MYO10: variants seen among roughly 807,000 people sequenced by gnomAD.
The protein encoded by MYO10 is unconventional myosin-X.
MYO10 carries 133 observed loss-of-function variants against 257.3 expected under a neutral mutation model. The observed-to-expected ratio is 0.52, with a 90% confidence interval of 0.45 to 0.60. The LOEUF (loss-of-function observed/expected upper bound fraction) is 0.60. Among genes scored for constraint, MYO10 ranks in the 20% least tolerant of loss-of-function variants. MYO10 has a pLI of 0.00. For synonymous variants in MYO10, 1,104 were observed against 1,028.6 expected, an observed-to-expected ratio of 1.07 and a Z score of -1.40; for missense variants, 2,399 against 2,635.7, an observed-to-expected ratio of 0.91 and a Z score of 1.97.
chr5:16,684,139 A>AT (rs1255018394), intron 29 of MYO10, among the ~76,000 whole-genome samples: 52 of 152,312 alleles, frequency 3.4e-4, no homozygotes, highest in Non-Finnish European at 4.6e-4. Flanking sequence ...TAGGCCATTT[A>AT]TTTTTTAAAA....
Position 16,674,997 on chromosome 5 carries a change from T to C in MYO10, c.4820A>G (p.Tyr1607Cys). 1 of 1,613,988 alleles carries C rather than the reference T, an allele frequency of 6.2e-7. No individual in the cohort carries two copies. Among genetic ancestry groups the C allele is most frequent in the Non-Finnish European group, 8.5e-7 (1 of 1,179,892 alleles). ...GTTGGTCTGTTTGATAAGCTGGCAG[T>C]ACAGCTCGTCCCGCAGAGGTCGCAG... ...HDLRPLRDEL[Y>C]CQLIKQTNKV... The change falls in exon 35 of 41, where the codon TAC (tyrosine) becomes TGC (cysteine). Residue 1607 changes from tyrosine (Y) to cysteine (C), a missense_variant. Tyr to Cys is a radical substitution (Grantham distance 194). Coordinates refer to ENST00000513610, the MANE Select transcript of MYO10 (RefSeq NM_012334.3).
At chr5:16,694,645 T>C (rs1290254038) in intron 26 of MYO10, 31 bp from the exon 27 acceptor site, 4 of 1,609,034 alleles carry the variant, frequency 2.5e-6, no homozygotes, top group African/African-American at 1.3e-5. Flanking sequence ...TAGAGAGGGG[T>C]GAAAGAAAAG....
rs747010483 is a variant in MYO10 at position 16,769,220 on chromosome 5, G to A, written c.931-17C>T. ...CATTGCCGTCTAGAAGAAAATAAAT[G>A]TATTTAATTTTATGTCGTTTTTTCA... On this transcript the variant is annotated splice_polypyrimidine_tract_variant and intron_variant, in intron 9 of 40. Coordinates refer to ENST00000513610, the MANE Select transcript of MYO10 (RefSeq NM_012334.3). 5.7e-6 allele frequency: 9 copies of A among 1,577,402 alleles called. No individual in the cohort carries two copies. In the South Asian group the frequency reaches 1.1e-4, roughly 19 times the overall value.
intron 4 of MYO10, among the ~76,000 whole-genome samples, chr5:16,791,739 T>C (rs1376066695): frequency 6.6e-6 from 1 of 152,230 alleles, no homozygotes; most frequent in Admixed American, 6.5e-5. Flanking sequence ...TCTGTTAAAA[T>C]AGATTGTTTT....
At chr5:16,925,021 C>G (rs756482460) in intron 1 of MYO10, among the ~76,000 whole-genome samples, 3 of 152,018 alleles carry the variant, frequency 2.0e-5, no homozygotes, top group Non-Finnish European at 2.9e-5. Flanking sequence ...TTAGTAGAGA[C>G]AGGTTTTCAC....
At chr5:16,684,184 AATTT>A (rs377727764) in intron 29 of MYO10, among the ~76,000 whole-genome samples, 7 of 152,210 alleles carry the variant, frequency 4.6e-5, no homozygotes, top group African/African-American at 1.4e-4. Flanking sequence ...ACCTTTCAAT[AATTT>A]ATTTCTTTGT....
rs369788597 is a variant in MYO10 at position 16,795,772 on chromosome 5, G to A, written c.280-939C>T. 5.6e-4 allele frequency among the ~76,000 whole-genome samples: 85 copies of A among 152,238 alleles called. No homozygotes were observed. The South Asian group carries it at 8.5e-3, about 15-fold the overall frequency. ...GATCCTCCCTCCTTGGCCTCCCAAA[G>A]TGCTAGGTCTGTGAATGTACCTAAT... is the stretch of plus-strand genomic sequence containing the variant. On this transcript the variant is annotated intron_variant, in intron 3 of 40. Transcript: ENST00000513610.
intron 1 of MYO10, among the ~76,000 whole-genome samples, chr5:16,912,490 A>G (rs16869233): frequency 0.026 from 3,899 of 152,156 alleles, 175 homozygotes; most frequent in African/African-American, 0.089. Flanking sequence ...CTGGGTCTCA[A>G]TACTGGTTTT....
rs573046045 is a variant in MYO10, at chr5:16,902,348, T to G, written c.22-24641A>C. On this transcript the variant is annotated intron_variant, in intron 1 of 40. Coordinates refer to ENST00000513610, the MANE Select transcript of MYO10 (RefSeq NM_012334.3). ...CAGCACCCGCAGTTCTAAATCAGGG[T>G]GGGGGTGTTCGGTCCTTGCGGGCTT... 2,811 of 1,169,606 alleles carry G rather than the reference T, an allele frequency of 2.4e-3. 2 individuals are homozygous for G. Among genetic ancestry groups the G allele is most frequent in the Non-Finnish European group, 3.0e-3 (2,370 of 789,618 alleles). 72.5% of individuals were successfully genotyped at this position (1,169,606 alleles called of 1,614,324 possible).
chr5:16,832,220 T>C (rs1252727199), intron 2 of MYO10, among the ~76,000 whole-genome samples: 1 of 152,174 alleles, frequency 6.6e-6, no homozygotes, highest in Non-Finnish European at 1.5e-5. Flanking sequence ...GGATTACAGG[T>C]GTTCCCCACT....
intron 19 of MYO10, among the ~76,000 whole-genome samples, chr5:16,747,269 G>A (rs1359214409): frequency 3.9e-5 from 6 of 152,040 alleles, no homozygotes; most frequent in Non-Finnish European, 8.8e-5. Flanking sequence ...CGATGCCCGG[G>A]TATCCTCCAG....
intron 18 of MYO10, among the ~76,000 whole-genome samples, chr5:16,756,606 G>A (rs915892744): frequency 2.6e-5 from 4 of 151,942 alleles, no homozygotes; most frequent in Non-Finnish European, 5.9e-5. Context: ...TGACATTCAC[G>A]GCCCTTCATA....
At chr5:16,761,383 G>T in intron 17 of MYO10, 81 bp downstream of exon 17, 1 of 1,114,990 alleles carries the variant, frequency 9.0e-7, no homozygotes, top group Non-Finnish European at 1.4e-6. Context: ...ACAGCAATTT[G>T]TTCTATATTT....
chr5:16,892,698 C>T lies in MYO10; in HGVS notation c.22-14991G>A, dbSNP rs1002319942. ...AGGTCTTCAACCCAACAAAGCAGTA[C>T]CTGTATTTGGGGTCTTGCTGCTGGC... On this transcript the variant is annotated intron_variant, in intron 1 of 40. Coordinates refer to ENST00000513610, the MANE Select transcript of MYO10 (RefSeq NM_012334.3). Among the ~76,000 whole-genome samples the T allele has an allele frequency of 2.6e-5, 4 of 152,226 alleles. No homozygotes were observed. In the East Asian group the frequency reaches 5.8e-4, roughly 22 times the overall value.
At chr5:16,714,528 T>C (rs1738763282) in intron 19 of MYO10, among the ~76,000 whole-genome samples, 6 of 151,908 alleles carry the variant, frequency 3.9e-5, no homozygotes, top group Admixed American at 3.9e-4. Flanking sequence ...AACAAGAGCA[T>C]CCCCAAATGG....
chr5:16,733,860 C>T (rs562830626), intron 19 of MYO10, among the ~76,000 whole-genome samples: 95 of 152,206 alleles, frequency 6.2e-4, no homozygotes, highest in Non-Finnish European at 1.1e-3. Flanking sequence ...GTTGACGGCT[C>T]GGCATCGCAG....
chr5:16,856,211 C>G (rs181345341), intron 2 of MYO10, among the ~76,000 whole-genome samples: 1 of 152,314 alleles, frequency 6.6e-6, no homozygotes, highest in Admixed American at 6.5e-5. Flanking sequence ...GCCGTCTCAT[C>G]TTTAACAAGT....
intron 1 of MYO10, among the ~76,000 whole-genome samples, chr5:16,907,256 G>A (rs1745543823): frequency 1.3e-5 from 2 of 151,944 alleles, no homozygotes; most frequent in African/African-American, 4.8e-5. Context: ...ATTAAATGTT[G>A]GAGCCAGGAT....
At chr5:16,902,205 C>T (rs1181932236) in intron 1 of MYO10, 7 of 640,244 alleles carry the variant, frequency 1.1e-5, no homozygotes, top group African/African-American at 1.8e-5. Flanking sequence ...ACCACCAGGC[C>T]CGGCTAATTT....
Sources: allele counts gnomAD v4.1 joint callset (sites outside exome capture counted in the v4.1 genomes callset), GRCh38; gene constraint gnomAD v4.1.1; transcripts MANE v1.5; gene names NCBI Gene and HGNC (gene_info 2026-07-23, HGNC 2026-07-21).